WWOX: variants seen among roughly 807,000 people sequenced by gnomAD.
The protein encoded by WWOX is WW domain containing oxidoreductase.
Under a neutral mutation model 46.2 loss-of-function variants are expected in WWOX, and 69 were observed. That is an observed-to-expected ratio of 1.49 (90% CI 1.23 to 1.82). WWOX has a LOEUF of 1.82. WWOX is among the 40% of genes most tolerant of loss of function. WWOX has a pLI of 0.00. For synonymous variants in WWOX, 359 were observed against 202.6 expected (o/e 1.77, Z -6.56); for missense variants, 919 against 542.6 (o/e 1.69, Z -6.89).
intron 8 of WWOX, among the ~76,000 whole-genome samples, chr16:78,642,936 A>C (rs1472512140): frequency 6.6e-6 from 1 of 152,240 alleles, no homozygotes; most frequent in African/African-American, 2.4e-5. Flanking sequence ...ATAGCTTATA[A>C]TAGTAATAAT....
chr16:78,728,579 C>G (rs2048891040), intron 8 of WWOX, among the ~76,000 whole-genome samples: 2 of 152,122 alleles, frequency 1.3e-5, no homozygotes, highest in East Asian at 3.9e-4. Context: ...AGTAAGTAGT[C>G]AAGTGACACC....
At chr16:78,668,582 G>C (rs1291424637) in intron 8 of WWOX, among the ~76,000 whole-genome samples, 3 of 152,150 alleles carry the variant, frequency 2.0e-5, no homozygotes, top group African/African-American at 7.2e-5. Context: ...TACCAAGAGA[G>C]GTAGGTGAGA....
intron 8 of WWOX, among the ~76,000 whole-genome samples, chr16:78,616,894 C>A (rs1467822050): frequency 6.6e-6 from 1 of 152,142 alleles, no homozygotes; most frequent in Non-Finnish European, 1.5e-5. Context: ...AGAATTTCAA[C>A]ATATAAATTT....
At chr16:78,420,547 G>T (rs1293480838) in intron 6 of WWOX, among the ~76,000 whole-genome samples, 1 of 151,928 alleles carries the variant, frequency 6.6e-6, no homozygotes, top group East Asian at 1.9e-4. Flanking sequence ...GTTCCATTTA[G>T]TATATAAAAT....
chr16:79,128,386 CA>C (rs375875219), intron 8 of WWOX, among the ~76,000 whole-genome samples: 1,399 of 139,190 alleles, frequency 0.01, 12 homozygotes, highest in African/African-American at 0.033. Flanking sequence ...AAACAAAAAA[CA>C]AAAAAAAAAA....
chr16:78,683,815 A>G (rs949734044), intron 8 of WWOX, among the ~76,000 whole-genome samples: 1 of 152,296 alleles, frequency 6.6e-6, no homozygotes, highest in African/African-American at 2.4e-5. Flanking sequence ...ATCAAGATGT[A>G]TGTAATTCAG....
intron 8 of WWOX, among the ~76,000 whole-genome samples, chr16:78,666,737 C>A (rs1180374394): frequency 1.3e-5 from 2 of 152,162 alleles, no homozygotes; most frequent in East Asian, 3.9e-4. Context: ...CTGCCTCTTT[C>A]CTAATGGGAC....
chr16:78,115,802 G>A (rs1345072218), intron 4 of WWOX, among the ~76,000 whole-genome samples: 3 of 152,086 alleles, frequency 2.0e-5, no homozygotes, highest in Non-Finnish European at 4.4e-5. Flanking sequence ...ATTTTGCTTT[G>A]ATCTATTTAC....
At chr16:78,986,480 T>A (rs1454258707) in intron 8 of WWOX, among the ~76,000 whole-genome samples, 1 of 152,200 alleles carries the variant, frequency 6.6e-6, no homozygotes, top group African/African-American at 2.4e-5. Flanking sequence ...ATTGTACCAC[T>A]CTTTGGATTT....
intron 8 of WWOX, among the ~76,000 whole-genome samples, chr16:78,575,645 A>T (rs117357335): frequency 6.6e-6 from 1 of 152,178 alleles, no homozygotes; most frequent in Non-Finnish European, 1.5e-5. Context: ...ATTAGAGACC[A>T]TGATACAGTT....
chr16:78,676,668 G>C (rs936144558), intron 8 of WWOX, among the ~76,000 whole-genome samples: 2 of 152,150 alleles, frequency 1.3e-5, no homozygotes, highest in African/African-American at 2.4e-5. Context: ...AAACAGCTGA[G>C]TGAAGAAACA....
chr16:78,593,028 CTTCAG>C (rs969020957), intron 8 of WWOX, among the ~76,000 whole-genome samples: 15 of 152,298 alleles, frequency 9.8e-5, no homozygotes, highest in African/African-American at 2.9e-4. Context: ...AAAGTACAGC[CTTCAG>C]TCCTAGCACC....
chr16:79,206,546 A>C lies in WWOX; in HGVS notation c.1057-5062A>C, dbSNP rs574510857. 6 of 152,210 alleles carry C rather than the reference A, an allele frequency of 3.9e-5. No homozygotes were observed. The South Asian group carries it at 6.2e-4, about 16-fold the overall frequency. 9.4% of individuals were successfully genotyped at this position (152,210 alleles called of 1,614,324 possible). A position where few individuals can be genotyped will look rare whatever the true frequency, so the allele number is the denominator to read the frequency against. On this transcript the variant is annotated intron_variant, in intron 8 of 8. Transcript: ENST00000566780. Reference sequence around the variant, plus strand: ...AAAGCTCTCCATGCAGAGCCTGGCAAATCGTAACCTCTCAATAAATGCTAG... The same window carrying C: ...AAAGCTCTCCATGCAGAGCCTGGCACATCGTAACCTCTCAATAAATGCTAG...
At chr16:78,637,760 T>C (rs973901930) in intron 8 of WWOX, among the ~76,000 whole-genome samples, 1 of 151,894 alleles carries the variant, frequency 6.6e-6, no homozygotes, top group Non-Finnish European at 1.5e-5. Flanking sequence ...CAGCTAAGAG[T>C]GTCAAAATGG....
intron 8 of WWOX, among the ~76,000 whole-genome samples, chr16:78,887,331 T>C (rs1374939495): frequency 1.3e-5 from 2 of 152,040 alleles, no homozygotes; most frequent in Non-Finnish European, 2.9e-5. Flanking sequence ...TAATCTGTTG[T>C]AGCTTTTCTT....
chr16:78,273,814 T>C (rs1437073343), intron 5 of WWOX, among the ~76,000 whole-genome samples: 4 of 152,190 alleles, frequency 2.6e-5, no homozygotes, highest in African/African-American at 9.7e-5. Flanking sequence ...GACAGTGTAT[T>C]GTGTAGTGGA....
chr16:78,263,374 TGTGCTCACC>T (rs1466147565), intron 5 of WWOX, among the ~76,000 whole-genome samples: 2 of 152,166 alleles, frequency 1.3e-5, no homozygotes, highest in Non-Finnish European at 2.9e-5. Flanking sequence ...TCCAGGGCCA[TGTGCTCACC>T]CCTTAATTCA....
intron 6 of WWOX, among the ~76,000 whole-genome samples, chr16:78,388,096 A>G (rs985257026): frequency 3.3e-5 from 5 of 152,122 alleles, no homozygotes; most frequent in Admixed American, 6.5e-5. Flanking sequence ...GTAGTGCACA[A>G]TCTCGCCTTA....
chr16:78,393,452 A>T (rs2082218428), intron 6 of WWOX, among the ~76,000 whole-genome samples: 1 of 151,888 alleles, frequency 6.6e-6, no homozygotes, highest in Non-Finnish European at 1.5e-5. Flanking sequence ...TAAGCCCAGA[A>T]ACGTGAGACC....
Sources: allele counts gnomAD v4.1 joint callset (sites outside exome capture counted in the v4.1 genomes callset), GRCh38; gene constraint gnomAD v4.1.1; transcripts MANE v1.5; gene names NCBI Gene and HGNC (gene_info 2026-07-23, HGNC 2026-07-21).